Variants in KIF9 observed in about 807,000 individuals in gnomAD.
The protein encoded by KIF9 is kinesin-like protein KIF9.
A neutral mutation model predicts 94.8 loss-of-function variants in KIF9; 68 were observed. The ratio of observed to expected loss-of-function variants is 0.72; its 90% CI spans 0.59 to 0.88. KIF9 has a LOEUF of 0.88. KIF9 is among the 40% of genes least tolerant of loss of function. KIF9 has a pLI of 0.00. For synonymous variants in KIF9, 343 were observed against 362.1 expected, an observed-to-expected ratio of 0.95 and a Z score of 0.60; for missense variants, 882 against 982.5, an observed-to-expected ratio of 0.90 and a Z score of 1.37.
chr3:47,265,769 G>T lies in KIF9; in HGVS notation c.877C>A (p.Arg293=). 5 of 1,614,160 alleles carry T rather than the reference G, an allele frequency of 3.1e-6. No homozygotes were observed. The highest frequency in any genetic ancestry group is 4.2e-6 in the Non-Finnish European group (5 of 1,180,010). Residue 293 remains arginine, a synonymous_variant, in exon 8 of 21, where the codon CGG becomes AGG. Coordinates refer to ENST00000684063, the MANE Select transcript of KIF9 (RefSeq NM_182902.4). ...AGAGCGTGGGTGAGCTTGCACTGCC[G>T]AAAGGGGATGTGGTCCCGCTTCTGG... is the stretch of plus-strand genomic sequence containing the variant. ...GDQKRDHIPF[R]QCKLTHALKD...
chr3:47,248,825 C>G (rs1247416589), intron 10 of KIF9, among the ~76,000 whole-genome samples: 1 of 152,072 alleles, frequency 6.6e-6, no homozygotes, highest in Admixed American at 6.5e-5. Flanking sequence ...CTCACTGAAG[C>G]CTCAACCTCC....
intron 20 of KIF9, 69 bp from the exon 21 acceptor site, chr3:47,228,771 G>C: frequency 1.6e-6 from 2 of 1,240,718 alleles, no homozygotes; most frequent in Non-Finnish European, 2.4e-6. Flanking sequence ...CTCAGACCAG[G>C]CCACTCACAT....
intron 1 of KIF9, among the ~76,000 whole-genome samples, chr3:47,279,517 T>A (rs1036686936): frequency 1.1e-4 from 16 of 152,118 alleles, no homozygotes; most frequent in Middle Eastern, 3.4e-3. Context: ...ACTTTTAAGA[T>A]GTTAACCATA....
At chr3:47,268,230 C>T (rs910812874) in intron 5 of KIF9, among the ~76,000 whole-genome samples, 1 of 152,016 alleles carries the variant, frequency 6.6e-6, no homozygotes, top group Admixed American at 6.5e-5. Context: ...AGGAGGAGGC[C>T]TTATGACCAG....
At chr3:47,238,627 C>G (rs570139983) in intron 17 of KIF9, 2 of 150,902 alleles carry the variant, frequency 1.3e-5, no homozygotes, top group African/African-American at 4.8e-5. Flanking sequence ...GGGGACAGCA[C>G]AAAAATGGGG....
rs139335608 is a variant in KIF9, at chr3:47,247,382, G to A, written c.1224C>T (p.Asp408=). Residue 408 remains aspartate (D), a synonymous_variant, in exon 12 of 21, where the codon GAC becomes GAT. Coordinates refer to ENST00000684063, the MANE Select transcript of KIF9 (RefSeq NM_182902.4). ...QVRRYLEGTL[D]EIDIISLRQI... The stretch of plus-strand genomic sequence containing the variant: ...CAGAGGGGTTCCTTACGTCGATCTC[G>A]TCCAGTGTCCCCTCCAGGTACCTCC... 99 of 1,611,420 alleles carry A rather than the reference G, an allele frequency of 6.1e-5. No homozygotes were observed. Among genetic ancestry groups the A allele is most frequent in the African/African-American group, 4.8e-4 (36 of 74,872 alleles).
chr3:47,259,002 C>T (rs1291108145), intron 9 of KIF9, among the ~76,000 whole-genome samples: 1 of 152,174 alleles, frequency 6.6e-6, no homozygotes, highest in Non-Finnish European at 1.5e-5. Flanking sequence ...AGCCCCTGAG[C>T]AGCGTCTGCT....
chr3:47,247,622 TCCTGCCAGAGGG>T, intron 11 of KIF9, 145 bp from the exon 12 acceptor site: 1 of 667,252 alleles, frequency 1.5e-6, no homozygotes. Context: ...CATCATCGGG[TCCTGCCAGAGGG>T]CCTGACACAA....
intron 1 of KIF9, among the ~76,000 whole-genome samples, chr3:47,279,263 A>G (rs1702171079): frequency 6.6e-6 from 1 of 151,554 alleles, no homozygotes; most frequent in South Asian, 2.1e-4. Flanking sequence ...ACCTGAGGTT[A>G]GGAGTTCAAG....
At chr3:47,281,082 G>C (rs1702306973) in intron 1 of KIF9, 1 of 701,608 alleles carries the variant, frequency 1.4e-6, no homozygotes, top group African/African-American at 1.7e-5. Flanking sequence ...ACAATGTCCA[G>C]GGCAGAGCCC....
chr3:47,245,401 C>T lies in KIF9; in HGVS notation c.1380+20G>A. The T allele has an allele frequency of 2.5e-6, 4 of 1,594,120 alleles. No individual in the cohort carries two copies. Among genetic ancestry groups the T allele is most frequent in the Non-Finnish European group, 3.4e-6 (4 of 1,161,822 alleles). On this transcript the variant is annotated intron_variant, in intron 14 of 20. Transcript: ENST00000684063. ...GGAAATCTGAGGTGAGTGCTGTCGG[C>T]AAGTAGCAACTATGCTTACCTTCTG...
rs142919716 is a variant in KIF9 at position 47,281,486 on chromosome 3, T to C, written c.-6+1009A>G. On this transcript the variant is annotated intron_variant, in intron 1 of 20. Transcript: ENST00000684063. ...CCTCAGCCCCGCAAGTAGCTAGGAC[T>C]ACAGGCGTGCACCACCACGCCCGGG... is the stretch of plus-strand genomic sequence containing the variant. Among the ~76,000 whole-genome samples, 197 of 152,316 alleles carry C rather than the reference T, an allele frequency of 1.3e-3. 1 individual carries two copies. The highest frequency in any genetic ancestry group is 4.4e-3 in the African/African-American group (184 of 41,570).
intron 17 of KIF9, among the ~76,000 whole-genome samples, chr3:47,239,378 T>C (rs375020333): frequency 1.3e-5 from 2 of 152,172 alleles, no homozygotes; most frequent in African/African-American, 4.8e-5. Context: ...GAAGTGCTTG[T>C]TTGTCCCATA....
Position 47,282,767 on chromosome 3 carries a change from G to A in KIF9, c.-278C>T. 1 of 1,428,760 alleles carries A rather than the reference G, an allele frequency of 7.0e-7. No homozygotes were observed. 88.5% of individuals were successfully genotyped at this position (1,428,760 alleles called of 1,614,324 possible). ...CATGCGAAGTCAAGGTCGAGATAGC[G>A]AGGGAACGAAGGCCGCACATGAACC... is the stretch of plus-strand genomic sequence containing the variant. On this transcript the variant is annotated 5_prime_UTR_variant, in exon 1 of 21. Transcript: ENST00000684063.
At chr3:47,232,535 T>G (rs1248069657) in intron 20 of KIF9, among the ~76,000 whole-genome samples, 2 of 151,932 alleles carry the variant, frequency 1.3e-5, no homozygotes, top group African/African-American at 4.8e-5. Context: ...TCCACTCATC[T>G]CAGCCTCCCA....
chr3:47,246,491 T>C, intron 12 of KIF9: 1 of 319,310 alleles, frequency 3.1e-6, no homozygotes, highest in Non-Finnish European at 5.7e-6. Flanking sequence ...AAACCACCTT[T>C]TCGAAGTGGA....
intron 1 of KIF9, among the ~76,000 whole-genome samples, chr3:47,278,635 C>A (rs1209921382): frequency 6.6e-6 from 1 of 152,072 alleles, no homozygotes; most frequent in African/African-American, 2.4e-5. Context: ...TTGAAACCAG[C>A]CTGGGCAACA....
At chr3:47,249,612 A>G (rs1312869618) in intron 10 of KIF9, among the ~76,000 whole-genome samples, 2 of 152,096 alleles carry the variant, frequency 1.3e-5, no homozygotes, top group African/African-American at 2.4e-5. Flanking sequence ...CACTCCAAAC[A>G]CTTCCACAAA....
At chr3:47,263,535 C>T (rs74597888) in intron 9 of KIF9, 7,753 of 206,212 alleles carry the variant, frequency 0.038, 225 homozygotes, top group Non-Finnish European at 0.056. Flanking sequence ...CCCCCACCCC[C>T]CGCAGTAGAT....
Sources: gnomAD v4.1 joint callset for allele counts (sites outside exome capture counted in the v4.1 genomes callset) on GRCh38, gnomAD v4.1.1 for gene constraint, MANE v1.5 for transcripts, NCBI Gene and HGNC (gene_info 2026-07-23, HGNC 2026-07-21) for gene names.